LMO3: variants seen among roughly 807,000 people sequenced by gnomAD.
LMO3 encodes the protein LIM domain only protein 3.
In LMO3, 2 loss-of-function variants were observed where a neutral mutation model predicts 15.8. The observed-to-expected ratio is 0.13, with a 90% CI of 0.05 to 0.40. LMO3 has a LOEUF of 0.40. LMO3 is among the 10% of genes least tolerant of loss of function. LMO3 has a pLI of 0.99. For missense variants in LMO3, 86 were observed against 182.2 expected, an observed-to-expected ratio of 0.47 and a Z score of 3.04; for synonymous variants, 62 against 63.8, an observed-to-expected ratio of 0.97 and a Z score of 0.13.
intron 3 of LMO3, among the ~76,000 whole-genome samples, chr12:16,551,692 C>A (rs1941996270): frequency 6.6e-6 from 1 of 151,650 alleles, no homozygotes; most frequent in South Asian, 2.1e-4. Flanking sequence ...AATAATGTTT[C>A]ACTGCAGTAA....
intron 2 of LMO3, among the ~76,000 whole-genome samples, chr12:16,571,076 G>C (rs568854513): frequency 6.6e-6 from 1 of 152,140 alleles, no homozygotes; most frequent in East Asian, 1.9e-4. Context: ...AGTTTAGTTT[G>C]AAATTTTATT....
chr12:16,588,833 C>A (rs1174863910), intron 2 of LMO3, among the ~76,000 whole-genome samples: 1 of 152,058 alleles, frequency 6.6e-6, no homozygotes, highest in Non-Finnish European at 1.5e-5. Context: ...ATCTTCTCCT[C>A]ATGTTTAATT....
At chr12:16,588,198 T>C (rs1163343304) in intron 2 of LMO3, among the ~76,000 whole-genome samples, 2 of 151,988 alleles carry the variant, frequency 1.3e-5, no homozygotes, top group African/African-American at 2.4e-5. Flanking sequence ...TTAAACATTG[T>C]TTTCATAATT....
chr12:16,600,856 A>G lies in LMO3; in HGVS notation c.5T>C (p.Leu2Pro). Residue 2 changes from leucine (L) to proline (P), a missense_variant, in exon 2 of 4, where the codon CTC becomes CCC. Physicochemically the swap from Leu to Pro is moderately conservative, Grantham distance 98. Around this residue, in one of 3 missense-constraint regions of LMO3, gnomAD observed 16 missense variants for 21.8 expected, o/e 0.73. Coordinates refer to ENST00000537304, the MANE Select transcript of LMO3 (RefSeq NM_018640.5). M[L>P]SVQPDTKPKG... ...CGGCTTGGTGTCTGGCTGGACTGAG[A>G]GCATTTGTATACCTAAAGGAAGACA... 6.2e-7 allele frequency: 1 copy of G among 1,613,986 alleles called. No individual in the cohort carries two copies. The highest frequency in any genetic ancestry group is 8.5e-7 in the Non-Finnish European group (1 of 1,179,936).
In LMO3 at chr12:16,604,875, C is replaced by G. The variant is rs1943936339; in HGVS notation, c.-9+1191G>C. 6.3e-7 allele frequency: 1 copy of G among 1,598,450 alleles called. No individual in the cohort carries two copies. Among genetic ancestry groups the G allele is most frequent in the Non-Finnish European group, 8.5e-7 (1 of 1,179,806 alleles). On this transcript the variant is annotated intron_variant, in intron 1 of 3. Transcript: ENST00000537304. This position sits in a 1 kb window ranked among gnomAD's most constrained non-coding sequence, Gnocchi z 5.3. Reference sequence around the variant, plus strand: ...AGACTGTAACCTTACCAAAACTTTTCTCCTTTTTCTGCATGAGTTGACTTA... The same window carrying G: ...AGACTGTAACCTTACCAAAACTTTTGTCCTTTTTCTGCATGAGTTGACTTA...
chr12:16,588,426 A>G (rs193204443), intron 2 of LMO3, among the ~76,000 whole-genome samples: 1 of 152,162 alleles, frequency 6.6e-6, no homozygotes, highest in Admixed American at 6.5e-5. Context: ...AAAACAACCT[A>G]AAATTTTATA....
intron 3 of LMO3, among the ~76,000 whole-genome samples, chr12:16,557,582 T>C (rs1341192965): frequency 6.6e-6 from 1 of 152,104 alleles, no homozygotes; most frequent in Non-Finnish European, 1.5e-5. Flanking sequence ...CATTTGTTTT[T>C]ATACAATCTG....
chr12:16,606,154 G>C lies in LMO3; in HGVS notation c.-97C>G. 1 of 117,128 alleles carries C rather than the reference G, an allele frequency of 8.5e-6. No homozygotes were observed. The highest frequency in any genetic ancestry group is 1.6e-5 in the Non-Finnish European group (1 of 61,414). 7.3% of individuals were successfully genotyped at this position (117,128 alleles called of 1,614,324 possible). A position where few individuals can be genotyped will look rare whatever the true frequency, so the allele number is the denominator to read the frequency against. On this transcript the variant is annotated 5_prime_UTR_variant, in exon 1 of 4. Transcript: ENST00000537304. The stretch of plus-strand genomic sequence containing the variant: ...TCTCCTTGGGAAAGGTCAAAAAGAA[G>C]CATTGTTTGAAAAAAAAAAAAAAGA...
At chr12:16,594,454 T>C in intron 2 of LMO3, 1 of 447,202 alleles carries the variant, frequency 2.2e-6, no homozygotes, top group Admixed American at 3.6e-5. Flanking sequence ...TTATTCCCTT[T>C]GTTTTCCAGA....
rs567453044 is a variant in LMO3, at chr12:16,593,629, T to G, written c.206+7026A>C. On this transcript the variant is annotated intron_variant, in intron 2 of 3. Transcript: ENST00000537304. This position sits in a 1 kb window ranked among gnomAD's most constrained non-coding sequence, Gnocchi z 4.2. Reference sequence around the variant, plus strand: ...AAAATGGCACAAGCAAATGCACAGTTGGCTGATGTAGTTAGTTTGTGAAGA... The same window carrying G: ...AAAATGGCACAAGCAAATGCACAGTGGGCTGATGTAGTTAGTTTGTGAAGA... 2.0e-5 allele frequency among the ~76,000 whole-genome samples: 3 copies of G among 151,898 alleles called. No individual in the cohort carries two copies. In the South Asian group the frequency reaches 6.2e-4, roughly 31 times the overall value.
At position 16,587,802 on chromosome 12, in the gene LMO3, A is replaced by C. The variant is rs1943367728; in HGVS notation, c.206+12853T>G. Among the ~76,000 whole-genome samples, 1 of 151,946 alleles carries C rather than the reference A, an allele frequency of 6.6e-6. No homozygotes were observed. The highest frequency in any genetic ancestry group is 2.4e-5 in the African/African-American group (1 of 41,400). ...TGTCTAAAAATCTCACTGTGTCCTG[A>C]ATGGGGGGTTTCAGGGGGAGGGAGA... On this transcript the variant is annotated intron_variant, in intron 2 of 3. Coordinates refer to ENST00000537304, the MANE Select transcript of LMO3 (RefSeq NM_018640.5). This position sits in a 1 kb window ranked among gnomAD's most constrained non-coding sequence, Gnocchi z 4.3.
At chr12:16,607,058 T>G (rs1425399242), upstream of LMO3, 8 of 152,340 alleles carry the variant, frequency 5.3e-5, no homozygotes, top group Admixed American at 5.2e-4. Flanking sequence ...TGGAGGTGGC[T>G]GCAGTCGCTG....
At chr12:16,557,941 A>G (rs955572802) in intron 3 of LMO3, among the ~76,000 whole-genome samples, 1 of 152,066 alleles carries the variant, frequency 6.6e-6, no homozygotes, top group Non-Finnish European at 1.5e-5. Context: ...GTCCATTTTT[A>G]TATTGATAAT....
chr12:16,557,610 A>G (rs959657086), intron 3 of LMO3, among the ~76,000 whole-genome samples: 2 of 152,116 alleles, frequency 1.3e-5, no homozygotes, highest in Non-Finnish European at 2.9e-5. Context: ...ACATTTAGCA[A>G]GAAACTCTAT....
intron 2 of LMO3, among the ~76,000 whole-genome samples, chr12:16,572,058 A>C (rs1265065843): frequency 6.6e-6 from 1 of 152,038 alleles, no homozygotes; most frequent in Non-Finnish European, 1.5e-5. Flanking sequence ...TTTTGGAATA[A>C]GAAATTAACA....
intron 3 of LMO3, among the ~76,000 whole-genome samples, chr12:16,556,348 G>A (rs1046360751): frequency 5.9e-5 from 9 of 152,072 alleles, no homozygotes; most frequent in African/African-American, 2.2e-4. Context: ...TTAAAATAGA[G>A]AAACTAGCCG....
chr12:16,553,377 G>A (rs1233284844), intron 3 of LMO3, among the ~76,000 whole-genome samples: 1 of 152,124 alleles, frequency 6.6e-6, no homozygotes, highest in Non-Finnish European at 1.5e-5. Flanking sequence ...TATACAGGGT[G>A]TAACTGTGTT....
chr12:16,602,818 G>A (rs1469822001), intron 1 of LMO3, among the ~76,000 whole-genome samples: 1 of 152,086 alleles, frequency 6.6e-6, no homozygotes, highest in Non-Finnish European at 1.5e-5. Context: ...CATATCTAGG[G>A]GGAAGGGGAA....
Position 16,585,132 on chromosome 12 carries a change from C to G in LMO3, c.206+15523G>C, listed in dbSNP as rs868369211. Among the ~76,000 whole-genome samples, 78 of 152,286 alleles carry G rather than the reference C, an allele frequency of 5.1e-4. 1 individual carries two copies. In the Middle Eastern group the frequency reaches 0.01, roughly 20 times the overall value. On this transcript the variant is annotated intron_variant, in intron 2 of 3. Transcript: ENST00000537304. This position sits in a 1 kb window ranked among gnomAD's most constrained non-coding sequence, Gnocchi z 4.7. ...TGCTGGAATTAAGTCATGGCTTCCC[C>G]CTTTGGGTGGCGCATGCAAGCCCCA...
Sources: allele counts gnomAD v4.1 joint callset (sites outside exome capture counted in the v4.1 genomes callset), GRCh38; gene constraint gnomAD v4.1.1; regional missense constraint gnomAD v4.1.1; non-coding constraint Gnocchi (gnomAD v3.1); transcripts MANE v1.5; gene names NCBI Gene and HGNC (gene_info 2026-07-23, HGNC 2026-07-21).